OLFM3: variants seen among roughly 807,000 people sequenced by gnomAD.
OLFM3 encodes the protein olfactomedin 3, also known as noelin-3.
In OLFM3, 20 loss-of-function variants were observed where a neutral mutation model predicts 48.6. The ratio of observed to expected loss-of-function variants is 0.41; its 90% CI spans 0.29 to 0.60. The LOEUF (loss-of-function observed/expected upper bound fraction) is 0.60, where lower values mean the gene tolerates loss of function less well. Among genes scored for constraint, OLFM3 ranks in the 20% least tolerant of loss-of-function variants. The pLI is 0.28. For synonymous variants in OLFM3, 222 were observed against 198.1 expected (o/e 1.12, Z -1.01); for missense variants, 437 against 544.3 (o/e 0.80, Z 1.96).
intron 1 of OLFM3, among the ~76,000 whole-genome samples, chr1:101,874,122 G>A (rs989086204): frequency 2.0e-5 from 3 of 151,696 alleles, no homozygotes; most frequent in African/African-American, 7.3e-5. Context: ...AAATAGTTAG[G>A]GAACTTTTTA....
At chr1:101,917,463 C>T (rs61808283) in intron 1 of OLFM3, among the ~76,000 whole-genome samples, 158 of 151,406 alleles carry the variant, frequency 1.0e-3, no homozygotes, top group Non-Finnish European at 2.0e-3. Context: ...GTTGCCCAGG[C>T]GGAAGTGCAG....
chr1:101,939,074 T>TAA (rs540651110), intron 1 of OLFM3, among the ~76,000 whole-genome samples: 1 of 151,456 alleles, frequency 6.6e-6, no homozygotes. Flanking sequence ...CTGCAATGCT[T>TAA]AAAAAAAAAT....
At chr1:101,937,805 A>G (rs1021023887) in intron 1 of OLFM3, among the ~76,000 whole-genome samples, 11 of 152,176 alleles carry the variant, frequency 7.2e-5, no homozygotes, top group African/African-American at 2.7e-4. Context: ...GTATCTCCTG[A>G]CCACCCTATA....
chr1:101,873,524 CTTTAA>C (rs1438452936), intron 1 of OLFM3, among the ~76,000 whole-genome samples: 2 of 151,782 alleles, frequency 1.3e-5, no homozygotes, highest in African/African-American at 4.8e-5. Flanking sequence ...GCCTATAGGA[CTTTAA>C]TTTAAGGAAA....
intron 1 of OLFM3, among the ~76,000 whole-genome samples, chr1:101,842,797 C>T (rs1655793344): frequency 6.6e-6 from 1 of 152,214 alleles, no homozygotes; most frequent in Admixed American, 6.5e-5. Context: ...CTGCAGTTTT[C>T]CTTCTTTGGC....
intron 4 of OLFM3, among the ~76,000 whole-genome samples, chr1:101,820,600 A>G (rs1351160200): frequency 6.6e-6 from 1 of 152,026 alleles, no homozygotes; most frequent in Non-Finnish European, 1.5e-5. Flanking sequence ...GATTTTCCTA[A>G]TTTCTCCAAA....
intron 1 of OLFM3, among the ~76,000 whole-genome samples, chr1:101,994,573 TG>T (rs896361465): frequency 1.3e-5 from 2 of 148,702 alleles, no homozygotes; most frequent in Non-Finnish European, 1.5e-5. Flanking sequence ...TGTAATTTTT[TG>T]GGGGGGAGCA....
chr1:101,963,222 A>C (rs753204335), intron 1 of OLFM3, among the ~76,000 whole-genome samples: 1 of 152,104 alleles, frequency 6.6e-6, no homozygotes, highest in Non-Finnish European at 1.5e-5. Context: ...GTGTGTGGGA[A>C]ATTCTTACTT....
At chr1:101,896,659 T>C (rs1658214941) in intron 1 of OLFM3, among the ~76,000 whole-genome samples, 1 of 137,354 alleles carries the variant, frequency 7.3e-6, no homozygotes, top group African/African-American at 2.8e-5. Flanking sequence ...CACGCCCGGC[T>C]GATTTTTTGT....
rs1050274028 is a variant in OLFM3, at chr1:101,804,002, T to TA, written c.*235_*236insT. The stretch of plus-strand genomic sequence containing the variant: ...TTAGCCACTTAAACTCTTTTTTTTT[T>TA]TAGTGCTTTTCATGACAAGGACATG... On this transcript the variant is annotated 3_prime_UTR_variant, in exon 6 of 6. Coordinates refer to ENST00000370103, the MANE Select transcript of OLFM3 (RefSeq NM_058170.4). The surrounding 1 kb of genome is among the most constrained non-coding windows in gnomAD (Gnocchi z 4.5). The TA allele has an allele frequency of 1.0e-4, 33 of 322,310 alleles. No homozygotes were observed. Among genetic ancestry groups the TA allele is most frequent in the African/African-American group, 6.9e-4 (32 of 46,344 alleles). The allele number at this position is 322,310 out of a possible 1,614,324, so 20.0% of individuals were successfully genotyped here.
At chr1:101,889,690 T>G (rs1002803893) in intron 1 of OLFM3, among the ~76,000 whole-genome samples, 2 of 151,990 alleles carry the variant, frequency 1.3e-5, no homozygotes, top group African/African-American at 4.8e-5. Flanking sequence ...TGTAATAAAT[T>G]TGTATATTTG....
chr1:101,957,892 C>T (rs1265523430), intron 1 of OLFM3, among the ~76,000 whole-genome samples: 1 of 151,824 alleles, frequency 6.6e-6, no homozygotes, highest in Non-Finnish European at 1.5e-5. Context: ...TGAAAATATC[C>T]CAAGGGATAG....
chr1:101,900,486 T>C (rs185944879), intron 1 of OLFM3, among the ~76,000 whole-genome samples: 2 of 152,250 alleles, frequency 1.3e-5, no homozygotes, highest in East Asian at 3.9e-4. Context: ...TGACAGCTCA[T>C]GATCTGGCAT....
chr1:101,844,765 T>C (rs1655903672), intron 1 of OLFM3, among the ~76,000 whole-genome samples: 1 of 152,244 alleles, frequency 6.6e-6, no homozygotes, highest in Non-Finnish European at 1.5e-5. Flanking sequence ...TTTTGAATTT[T>C]CATTTTGTTT....
intron 1 of OLFM3, among the ~76,000 whole-genome samples, chr1:101,866,633 A>C (rs1656873767): frequency 6.6e-6 from 1 of 152,178 alleles, no homozygotes; most frequent in African/African-American, 2.4e-5. Flanking sequence ...TACTTAATAT[A>C]AACACGATAA....
intron 1 of OLFM3, among the ~76,000 whole-genome samples, chr1:101,940,680 C>CTATA (rs140351486): frequency 1.4e-5 from 2 of 147,956 alleles, no homozygotes; most frequent in East Asian, 3.9e-4. Context: ...AACTACCCAG[C>CTATA]TATATATATA....
At chr1:101,882,064 A>T (rs958719411) in intron 1 of OLFM3, among the ~76,000 whole-genome samples, 1 of 148,684 alleles carries the variant, frequency 6.7e-6, no homozygotes. Context: ...ATTAGAAAAG[A>T]AAAAAAAGAA....
chr1:101,898,922 A>G (rs1658297321), intron 1 of OLFM3, among the ~76,000 whole-genome samples: 1 of 152,216 alleles, frequency 6.6e-6, no homozygotes, highest in Admixed American at 6.5e-5. Context: ...TATTTAATTC[A>G]CTTATTCAGC....
At chr1:101,931,864 A>G (rs1437285371) in intron 1 of OLFM3, among the ~76,000 whole-genome samples, 1 of 152,176 alleles carries the variant, frequency 6.6e-6, no homozygotes, top group Non-Finnish European at 1.5e-5. Context: ...GAATCAAAAT[A>G]CTTATGGCAA....
Sources: allele counts gnomAD v4.1 joint callset (sites outside exome capture counted in the v4.1 genomes callset), GRCh38; gene constraint gnomAD v4.1.1; non-coding constraint Gnocchi (gnomAD v3.1); transcripts MANE v1.5; gene names NCBI Gene and HGNC (gene_info 2026-07-23, HGNC 2026-07-21).